The following RALGDS variants were observed in gnomAD, a reference collection of about 807,000 sequenced individuals.
RALGDS encodes the protein ral guanine nucleotide exchange factor.
RALGDS carries 44 observed loss-of-function variants against 99.8 expected under a neutral mutation model. The observed-to-expected ratio is 0.44, with a 90% CI of 0.35 to 0.57. The LOEUF is 0.57. RALGDS is among the 20% of genes least tolerant of loss of function. RALGDS has a pLI of 0.01. For missense variants in RALGDS, 1,022 were observed against 1,203.1 expected, an observed-to-expected ratio of 0.85 and a Z score of 2.23; for synonymous variants, 529 against 505.0, an observed-to-expected ratio of 1.05 and a Z score of -0.64.
intron 1 of RALGDS, among the ~76,000 whole-genome samples, chr9:133,143,795 T>C (rs11244011): frequency 0.5 from 63,674 of 128,560 alleles, 15,368 homozygotes; most frequent in Middle Eastern, 0.58. Context: ...ACAATAATAA[T>C]AATAATAATA....
At chr9:133,148,870 C>A in intron 1 of RALGDS, 1 of 1,476,448 alleles carries the variant, frequency 6.8e-7, no homozygotes. Flanking sequence ...AGCGTGGACG[C>A]GGCGCCGGGC....
In RALGDS at chr9:133,112,225, C is replaced by G. The variant is rs1486759421; in HGVS notation, c.184-73G>C. The G allele has an allele frequency of 5.3e-6, 5 of 951,284 alleles. No individual in the cohort carries two copies. The East Asian group carries it at 1.0e-4, about 20-fold the overall frequency. The allele number at this position is 951,284 out of a possible 1,614,324, so 58.9% of individuals were successfully genotyped here. A position where few individuals can be genotyped will look rare whatever the true frequency, so the allele number is the denominator to read the frequency against. ...GCCTGGCCACCGTGCAGGGGATGCA[C>G]CTGTGTAACCTGTTTCCCAGATAGG... On this transcript the variant is annotated intron_variant, in intron 1 of 17. Transcript: ENST00000372050.
upstream of RALGDS, among the ~76,000 whole-genome samples, chr9:133,122,552 C>G (rs750904633): frequency 3.9e-5 from 6 of 152,218 alleles, no homozygotes; most frequent in Non-Finnish European, 1.5e-5. Context: ...GGCAGTTCAT[C>G]CGTTCAGAAC....
In RALGDS at chr9:133,097,769, T is replaced by C. The variant is rs1830571698; in HGVS notation, c.*818A>G. On this transcript the variant is annotated 3_prime_UTR_variant, in exon 18 of 18. Transcript: ENST00000372050. ...TAATATTCAAGTCTAGCATTTGCTA[T>C]TTACAACAAATAAATATTGCCCCTC... 1 of 218,348 alleles carries C rather than the reference T, an allele frequency of 4.6e-6. No homozygotes were observed. The highest frequency in any genetic ancestry group is 5.8e-5 in the Admixed American group (1 of 17,244). The allele number at this position is 218,348 out of a possible 1,614,324, so 13.5% of individuals were successfully genotyped here.
Position 133,112,188 on chromosome 9 carries a change from C to T in RALGDS, c.184-36G>A, listed in dbSNP as rs564756995. ...AACGCCCGGCAGCCGGGCGCGGGGA[C>T]GTCAAGGGCCTGCCTGGCCACCGTG... On this transcript the variant is annotated intron_variant, in intron 1 of 17. Coordinates refer to ENST00000372050, the MANE Select transcript of RALGDS (RefSeq NM_006266.4). 80 of 1,439,314 alleles carry T rather than the reference C, an allele frequency of 5.6e-5. No homozygotes were observed. In the African/African-American group the frequency reaches 8.8e-4, roughly 16 times the overall value. 89.2% of individuals were successfully genotyped at this position (1,439,314 alleles called of 1,614,324 possible).
intron 1 of RALGDS, among the ~76,000 whole-genome samples, chr9:133,130,486 A>C (rs112682351): frequency 0.012 from 1,777 of 152,268 alleles, 9 homozygotes; most frequent in South Asian, 0.019. Flanking sequence ...GGGTGGTAAA[A>C]AATAATAATA....
In RALGDS at chr9:133,106,641, C is replaced by A. The variant is rs751866082; in HGVS notation, c.1517+4G>T. The A allele has an allele frequency of 3.7e-6, 6 of 1,600,820 alleles. No homozygotes were observed. The South Asian group carries it at 6.7e-5, about 18-fold the overall frequency. ...ACCAGGAGCTCCTACAGAGGCATGC[C>A]CACCTGGAAACGTCTTCCCACGTCT... On this transcript the variant is annotated splice_donor_region_variant and intron_variant, in intron 8 of 17. Transcript: ENST00000372050.
intron 17 of RALGDS, chr9:133,099,542 T>C (rs1830648631): frequency 6.5e-6 from 1 of 152,976 alleles, no homozygotes; most frequent in Admixed American, 6.5e-5. Context: ...TAGTTAACTT[T>C]TATGGTGCAC....
At chr9:133,110,168 C>G in intron 3 of RALGDS, 128 bp downstream of exon 3, 5 of 1,008,686 alleles carry the variant, frequency 5.0e-6, no homozygotes, top group East Asian at 5.2e-5. Flanking sequence ...TCTTAGCACT[C>G]CAGTTTCTCT....
intron 11 of RALGDS, 98 bp from the exon 12 acceptor site, chr9:133,103,360 C>G: frequency 6.8e-7 from 1 of 1,461,436 alleles, no homozygotes; most frequent in South Asian, 1.1e-5. Flanking sequence ...CACCAGGGGG[C>G]AGGGCACGCA....
chr9:133,106,575 A>G (rs1831068296), intron 8 of RALGDS, 70 bp downstream of exon 8: 1 of 1,236,724 alleles, frequency 8.1e-7, no homozygotes, highest in Non-Finnish European at 1.2e-6. Context: ...CCATGGGCTC[A>G]CTAAGGGGGT....
chr9:133,104,304 C>G lies in RALGDS; in HGVS notation c.1630G>C (p.Glu544Gln). ...TTCTGGGCTCTCTTGGGGTTCATCT[C>G]CAGGGTGGCAAACTTGGAGGTGCCC... ...KEGTSKFATL[E>Q]MNPKRAQKRP... Residue 544 changes from glutamate to glutamine, a missense_variant, in exon 10 of 18, where the codon GAG becomes CAG. By Grantham distance (29) the Glu-to-Gln change is conservative (BLOSUM62 2). Transcript: ENST00000372050. 6.2e-7 allele frequency: 1 copy of G among 1,613,926 alleles called. No homozygotes were observed. Among genetic ancestry groups the G allele is most frequent in the Non-Finnish European group, 8.5e-7 (1 of 1,179,824 alleles).
chr9:133,139,484 C>A (rs1257890406), intron 1 of RALGDS, among the ~76,000 whole-genome samples: 1 of 152,230 alleles, frequency 6.6e-6, no homozygotes, highest in African/African-American at 2.4e-5. Context: ...CCAGCTGTCA[C>A]CTCCCCAGCC....
Position 133,108,210 on chromosome 9 carries a change from T to C in RALGDS, c.975A>G (p.Leu325=). 1.2e-6 allele frequency: 2 copies of C among 1,613,272 alleles called. No homozygotes were observed. Among genetic ancestry groups the C allele is most frequent in the Non-Finnish European group, 1.7e-6 (2 of 1,179,852 alleles). The change falls in exon 6 of 18, where the codon CTA becomes CTG. Residue 325 remains leucine, a synonymous_variant. Coordinates refer to ENST00000372050, the MANE Select transcript of RALGDS (RefSeq NM_006266.4). ...CCAGAGCTGGCGCTGGAGCCGATTC[T>C]AGTCCCACAGCTGGCTCTGGAGCCT... The part of the protein sequence containing the change: ...LQQAPEPAVG[L]ESAPAPALEL...
chr9:133,149,067 G>T, exon 1 of RALGDS: 1 of 1,066,522 alleles, frequency 9.4e-7, no homozygotes, highest in Non-Finnish European at 1.2e-6. Context: ...GCGGCGCAGG[G>T]GTGCGCCCGG....
At chr9:133,109,970 T>C (rs1831260564) in intron 3 of RALGDS, among the ~76,000 whole-genome samples, 1 of 152,090 alleles carries the variant, frequency 6.6e-6, no homozygotes. Flanking sequence ...CCTTGACAAG[T>C]GGGAAAACTG....
intron 1 of RALGDS, 100 bp from the exon 2 acceptor site, chr9:133,112,252 C>G: frequency 1.3e-6 from 1 of 785,528 alleles, no homozygotes; most frequent in East Asian, 2.7e-5. Context: ...CCAGATAGGG[C>G]ACAGACTGGC....
At chr9:133,106,098 T>G (rs1588519817) in intron 8 of RALGDS, 82 bp from the exon 9 acceptor site, 2 of 1,103,176 alleles carry the variant, frequency 1.8e-6, no homozygotes, top group Non-Finnish European at 2.7e-6. Context: ...ATTTTAGAGC[T>G]GAAAGACCCC....
chr9:133,110,533 C>T (rs750415184), intron 2 of RALGDS, 44 bp from the exon 3 acceptor site: 20 of 1,541,726 alleles, frequency 1.3e-5, no homozygotes, highest in African/African-American at 8.2e-5. Context: ...TGGCAGCACA[C>T]GAATCTCCTG....
Sources: gnomAD v4.1 joint callset for allele counts (sites outside exome capture counted in the v4.1 genomes callset) on GRCh38, gnomAD v4.1.1 for gene constraint, MANE v1.5 for transcripts, NCBI Gene and HGNC (gene_info 2026-07-23, HGNC 2026-07-21) for gene names.